Variants in PRKCQ observed in about 807,000 individuals in gnomAD.
The protein encoded by PRKCQ is protein kinase C theta.
A neutral mutation model predicts 91.2 loss-of-function variants in PRKCQ; 41 were observed. The ratio of observed to expected loss-of-function variants is 0.45; its 90% CI spans 0.35 to 0.58. The LOEUF (loss-of-function observed/expected upper bound fraction) is 0.58, where lower values mean the gene tolerates loss of function less well. Ranked by LOEUF, PRKCQ falls within the 20% of genes least tolerant of loss-of-function variation. The probability of loss-of-function intolerance (pLI) is 0.00; values close to 1 mark genes in which losing one functional copy is unlikely to be tolerated. For missense variants in PRKCQ, 673 were observed against 896.5 expected, an observed-to-expected ratio of 0.75 and a Z score of 3.18; for synonymous variants, 307 against 316.9, an observed-to-expected ratio of 0.97 and a Z score of 0.33.
At chr10:6,544,041 C>T (rs1258376974) in intron 1 of PRKCQ, among the ~76,000 whole-genome samples, 3 of 152,142 alleles carry the variant, frequency 2.0e-5, no homozygotes, top group South Asian at 2.1e-4. Context: ...TTCCCCTCAG[C>T]GAGGTCAAGT....
At chr10:6,569,635 G>A (rs1840961591) in intron 1 of PRKCQ, among the ~76,000 whole-genome samples, 1 of 152,172 alleles carries the variant, frequency 6.6e-6, no homozygotes, top group African/African-American at 2.4e-5. Flanking sequence ...TTAGAGCAGA[G>A]GTGGTGGGAG....
At position 6,479,126 on chromosome 10, in the gene PRKCQ, C is replaced by T. The variant is rs765615635; in HGVS notation, c.1219G>A (p.Ala407Thr). 5.6e-6 allele frequency: 9 copies of T among 1,613,956 alleles called. No homozygotes were observed. Among genetic ancestry groups the T allele is most frequent in the Middle Eastern group, 1.7e-4 (1 of 6,060 alleles). ...ACATCTTTCTTTAAGGCCTTTATTG[C>T]GAAAAATTGATTGGTTTTCTTGAAT... ...AEFKKTNQFF[A>T]IKALKKDVVL... The change falls in exon 12 of 18, where the codon GCA becomes ACA. Residue 407 changes from alanine (A) to threonine (T), a missense_variant. Transcript: ENST00000263125.
intron 2 of PRKCQ, among the ~76,000 whole-genome samples, chr10:6,512,874 G>A (rs1359067556): frequency 6.6e-6 from 1 of 151,540 alleles, no homozygotes. Flanking sequence ...TTTGTGGGTT[G>A]GTAAAAAAAA....
chr10:6,413,615 CACTGGATTAAAT>C, the PRKCQ span, among the ~76,000 whole-genome samples: 16 of 78,064 alleles, frequency 2.0e-4, 4 homozygotes, highest in African/African-American at 6.0e-4. Flanking sequence ...CACTAGGAAG[CACTGGATTAAAT>C]GCCACTTGTG....
At chr10:6,507,393 A>C in intron 4 of PRKCQ, 43 bp downstream of exon 4, 1 of 1,542,778 alleles carries the variant, frequency 6.5e-7, no homozygotes, top group South Asian at 1.1e-5. Context: ...GGAGAAGGCC[A>C]TGCCCTCCTC....
rs780322715 is a variant in PRKCQ at position 6,576,894 on chromosome 10, GAAT to G, written c.-10+3314_-10+3316del. ...CTCAGTTTCCTCATCTGAAAAACTG[GAAT>G]AATAATAATATCTAATTTATAAAGG... is the stretch of plus-strand genomic sequence containing the variant. On this transcript the variant is annotated intron_variant, in intron 1 of 17. Transcript: ENST00000263125. The surrounding 1 kb of genome is among the most constrained non-coding windows in gnomAD (Gnocchi z 4.2). 4.5e-4 allele frequency among the ~76,000 whole-genome samples: 68 copies of G among 152,076 alleles called. No individual in the cohort carries two copies. The highest frequency in any genetic ancestry group is 1.4e-3 in the African/African-American group (57 of 41,476).
intron 4 of PRKCQ, among the ~76,000 whole-genome samples, chr10:6,503,008 C>T (rs1838002492): frequency 6.6e-6 from 1 of 152,114 alleles, no homozygotes; most frequent in African/African-American, 2.4e-5. Context: ...CTGTTTGTAA[C>T]ACACTTAGCT....
Position 6,502,828 on chromosome 10 carries a change from G to A in PRKCQ, c.380-4270C>T, listed in dbSNP as rs192307109. Among the ~76,000 whole-genome samples, 17 of 152,294 alleles carry A rather than the reference G, an allele frequency of 1.1e-4. No homozygotes were observed. In the East Asian group the frequency reaches 1.4e-3, roughly 12 times the overall value. ...AGTGAGTTATTATATAATTAAGTAC[G>A]ATAGTAAGTTACAAAAGAAATAGGT... On this transcript the variant is annotated intron_variant, in intron 4 of 17. Coordinates refer to ENST00000263125, the MANE Select transcript of PRKCQ (RefSeq NM_006257.5).
At chr10:6,559,649 G>A (rs761696411) in intron 1 of PRKCQ, among the ~76,000 whole-genome samples, 5 of 152,248 alleles carry the variant, frequency 3.3e-5, no homozygotes, top group East Asian at 1.9e-4. Flanking sequence ...GTGAGCCACC[G>A]TGCCTGGCCT....
chr10:6,523,370 G>A (rs1839087018), intron 1 of PRKCQ, among the ~76,000 whole-genome samples: 1 of 152,210 alleles, frequency 6.6e-6, no homozygotes, highest in East Asian at 1.9e-4. Flanking sequence ...AGGATCACTT[G>A]AGCCCAGGAT....
At chr10:6,455,769 C>T (rs913544715) in intron 15 of PRKCQ, among the ~76,000 whole-genome samples, 13 of 152,198 alleles carry the variant, frequency 8.5e-5, no homozygotes, top group Non-Finnish European at 1.6e-4. Context: ...TGTACTGCAG[C>T]TACATGAGAT....
Position 6,441,469 on chromosome 10 carries a change from TTC to T in PRKCQ, c.1836+422_1836+423del, listed in dbSNP as rs869048833. 2.4e-4 allele frequency among the ~76,000 whole-genome samples: 15 copies of T among 61,994 alleles called. No individual in the cohort carries two copies. The East Asian group carries it at 3.7e-3, about 15-fold the overall frequency. 40.7% of individuals were successfully genotyped at this position (61,994 alleles called of 152,430 possible). A position where few individuals can be genotyped will look rare whatever the true frequency, so the allele number is the denominator to read the frequency against. On this transcript the variant is annotated intron_variant, in intron 16 of 17. Transcript: ENST00000263125. The stretch of plus-strand genomic sequence containing the variant: ...AATGCCCATTTTGTTTCTTTTTTTT[TTC>T]CCCTTTATTGTTTTGGAGACAGGGG...
the PRKCQ span, among the ~76,000 whole-genome samples, chr10:6,420,736 T>C: frequency 6.6e-6 from 1 of 152,262 alleles, no homozygotes; most frequent in South Asian, 2.1e-4. Context: ...ACTTTGTTAC[T>C]GTGAGCAGTC....
In PRKCQ at chr10:6,469,369, G is replaced by A. The variant is rs113395449; in HGVS notation, c.1354-4965C>T. Among the ~76,000 whole-genome samples the A allele has an allele frequency of 5.4e-3, 821 of 152,230 alleles. 4 individuals are homozygous for A. Among genetic ancestry groups the A allele is most frequent in the Middle Eastern group, 0.014 (4 of 294 alleles). ...TGCCCCTTTCAAGGACAGAACCTAG[G>A]GAGATGTCTACACAGGCTTGAGGCT... On this transcript the variant is annotated intron_variant, in intron 12 of 17. Transcript: ENST00000263125.
chr10:6,426,314 G>T (rs1833120871), downstream of PRKCQ, among the ~76,000 whole-genome samples: 1 of 152,182 alleles, frequency 6.6e-6, no homozygotes, highest in South Asian at 2.1e-4. Context: ...CTTGTTCAGG[G>T]CTTCACAGCA....
At chr10:6,446,009 T>C (rs1264819724) in intron 15 of PRKCQ, among the ~76,000 whole-genome samples, 4 of 152,236 alleles carry the variant, frequency 2.6e-5, no homozygotes, top group Admixed American at 2.6e-4. Context: ...AGCTTGGCGA[T>C]GTTGGTAAAA....
intron 1 of PRKCQ, among the ~76,000 whole-genome samples, chr10:6,546,268 G>A (rs1238482019): frequency 1.3e-5 from 2 of 152,132 alleles, no homozygotes; most frequent in Non-Finnish European, 2.9e-5. Flanking sequence ...AACAAAAAGG[G>A]CAGTAAAATG....
At chr10:6,545,564 T>C (rs1370940339) in intron 1 of PRKCQ, among the ~76,000 whole-genome samples, 11 of 152,134 alleles carry the variant, frequency 7.2e-5, no homozygotes, top group Admixed American at 3.3e-4. Flanking sequence ...GAGGGTAGAA[T>C]TGTGGCTCCC....
chr10:6,486,187 C>T (rs1836910830), intron 8 of PRKCQ, 43 bp from the exon 9 acceptor site: 1 of 1,519,314 alleles, frequency 6.6e-7, no homozygotes, highest in African/African-American at 1.4e-5. Context: ...TGGAAGAACC[C>T]CCTGGTGCTA....
Sources: allele counts gnomAD v4.1 joint callset (sites outside exome capture counted in the v4.1 genomes callset), GRCh38; gene constraint gnomAD v4.1.1; non-coding constraint Gnocchi (gnomAD v3.1); transcripts MANE v1.5; gene names NCBI Gene and HGNC (gene_info 2026-07-23, HGNC 2026-07-21).